Variants in LMCD1 observed in about 807,000 individuals in gnomAD.
LMCD1 encodes LIM and cysteine rich domains 1.
Under a neutral mutation model 42.7 loss-of-function variants are expected in LMCD1, and 32 were observed. The ratio of observed to expected loss-of-function variants is 0.75; its 90% CI spans 0.57 to 1.01. The LOEUF (loss-of-function observed/expected upper bound fraction) is 1.01, where lower values mean the gene tolerates loss of function less well. Ranked by LOEUF, LMCD1 falls within the 50% of genes least tolerant of loss-of-function variation. The pLI, the probability that LMCD1 is intolerant of heterozygous loss-of-function variation, is 0.00. For missense variants in LMCD1, 458 were observed against 483.1 expected, an observed-to-expected ratio of 0.95 and a Z score of 0.49; for synonymous variants, 178 against 184.9, an observed-to-expected ratio of 0.96 and a Z score of 0.30.
intron 4 of LMCD1, among the ~76,000 whole-genome samples, chr3:8,558,779 C>G (rs1694973503): frequency 6.6e-6 from 1 of 152,142 alleles, no homozygotes; most frequent in Non-Finnish European, 1.5e-5. Context: ...TGTAACTGAA[C>G]TGAATTGGTG....
intron 3 of LMCD1, among the ~76,000 whole-genome samples, chr3:8,544,692 A>G (rs1016993556): frequency 1.2e-4 from 19 of 152,294 alleles, no homozygotes; most frequent in African/African-American, 3.1e-4. Flanking sequence ...TCTGTACAAT[A>G]TGCATTTCAG....
At chr3:8,525,205 C>T (rs1302587559) in intron 1 of LMCD1, among the ~76,000 whole-genome samples, 1 of 152,150 alleles carries the variant, frequency 6.6e-6, no homozygotes, top group East Asian at 1.9e-4. Context: ...TTCTCTTAAT[C>T]CTCAGCCTCT....
rs182907113 is a variant in LMCD1 at position 8,530,555 on chromosome 3, G to A, written c.43-2182G>A. ...TCATTAGAAGAACAATAAAGCTGAA[G>A]TGTGCAGGGTGCTTTGCCACTTGGA... On this transcript the variant is annotated intron_variant, in intron 1 of 5. Coordinates refer to ENST00000157600, the MANE Select transcript of LMCD1 (RefSeq NM_014583.4). 7.9e-5 allele frequency among the ~76,000 whole-genome samples: 12 copies of A among 152,338 alleles called. No homozygotes were observed. In the East Asian group the frequency reaches 1.9e-3, roughly 24 times the overall value.
At chr3:8,545,737 G>T (rs767716961) in intron 3 of LMCD1, among the ~76,000 whole-genome samples, 1 of 152,152 alleles carries the variant, frequency 6.6e-6, no homozygotes, top group Non-Finnish European at 1.5e-5. Flanking sequence ...GTAATTTTTC[G>T]CAGGGTTATT....
At chr3:8,546,409 C>T (rs767549468) in intron 3 of LMCD1, among the ~76,000 whole-genome samples, 10 of 152,326 alleles carry the variant, frequency 6.6e-5, no homozygotes, top group Non-Finnish European at 1.0e-4. Context: ...GCTTGGTAGG[C>T]GCTGTGGTTC....
At chr3:8,519,204 GATACTACAAAA>G (rs746470143) in intron 1 of LMCD1, among the ~76,000 whole-genome samples, 2 of 152,200 alleles carry the variant, frequency 1.3e-5, no homozygotes, top group African/African-American at 4.8e-5. Context: ...CATCATGGTA[GATACTACAAAA>G]TACAAGGTAC....
rs1376655125 is a variant in LMCD1, at chr3:8,501,959, C to T, written c.21C>T (p.Asp7=). 3 of 1,594,016 alleles carry T rather than the reference C, an allele frequency of 1.9e-6. No homozygotes were observed. Among genetic ancestry groups the T allele is most frequent in the African/African-American group, 1.4e-5 (1 of 72,948 alleles). The change falls in exon 1 of 6, where the codon GAC becomes GAT. Residue 7 remains aspartate (D), a synonymous_variant. Coordinates refer to ENST00000157600, the MANE Select transcript of LMCD1 (RefSeq NM_014583.4). The stretch of plus-strand genomic sequence containing the variant: ...AGAGGATGGCAAAGGTGGCTAAGGA[C>T]CTCAACCCAGGAGTTAAAAAGGTGA... MAKVAK[D]LNPGVKKMSL... is the part of the protein sequence containing the mutation.
chr3:8,537,558 G>C, intron 3 of LMCD1, 118 bp downstream of exon 3: 1 of 1,171,394 alleles, frequency 8.5e-7, no homozygotes, highest in South Asian at 1.6e-5. Context: ...AAAAATGACA[G>C]GAGTGGCTGT....
At chr3:8,551,157 A>G (rs939103107) in intron 4 of LMCD1, 2 of 985,312 alleles carry the variant, frequency 2.0e-6, no homozygotes, top group Non-Finnish European at 1.2e-6. Context: ...TTTTACTTTA[A>G]TTATTATGTA....
chr3:8,568,894 A>C lies in LMCD1; in HGVS notation c.*1296A>C, dbSNP rs1416072950. On this transcript the variant is annotated 3_prime_UTR_variant, in exon 6 of 6. Transcript: ENST00000157600. The stretch of plus-strand genomic sequence containing the variant: ...TCTGCTGCCAGTTTTCTTTAACCTC[A>C]CCATCCAAATTTCACTCTGACCATC... 2.0e-5 allele frequency: 3 copies of C among 152,026 alleles called. No homozygotes were observed. The highest frequency in any genetic ancestry group is 4.4e-5 in the Non-Finnish European group (3 of 68,014). The allele number at this position is 152,026 out of a possible 1,614,324, so 9.4% of individuals were successfully genotyped here. A position where few individuals can be genotyped will look rare whatever the true frequency, so the allele number is the denominator to read the frequency against.
Position 8,548,565 on chromosome 3 carries a change from T to C in LMCD1, c.388-3T>C. 6.2e-7 allele frequency: 1 copy of C among 1,600,720 alleles called. No homozygotes were observed. The highest frequency in any genetic ancestry group is 1.3e-5 in the African/African-American group (1 of 74,764). ...GTTGTCTCTTCCTCCTCCTCCTCCC[T>C]AGGGACTGCAGTACATGGAGCTCAT... On this transcript the variant is annotated splice_region_variant and splice_polypyrimidine_tract_variant and intron_variant, in intron 3 of 5. Coordinates refer to ENST00000157600, the MANE Select transcript of LMCD1 (RefSeq NM_014583.4).
At chr3:8,555,495 C>A (rs138792012) in intron 4 of LMCD1, among the ~76,000 whole-genome samples, 238 of 152,318 alleles carry the variant, frequency 1.6e-3, no homozygotes, top group Admixed American at 2.9e-3. Flanking sequence ...CACAGTCCCG[C>A]CACCCCTGGC....
intron 3 of LMCD1, among the ~76,000 whole-genome samples, chr3:8,544,352 C>T (rs1169590014): frequency 2.0e-5 from 3 of 152,170 alleles, no homozygotes; most frequent in African/African-American, 7.2e-5. Flanking sequence ...GTCTTCTCTT[C>T]TGTCTGAGAA....
rs1695138557 is a variant in LMCD1, at chr3:8,566,709, A to C, written c.940-731A>C. Reference sequence around the variant, plus strand: ...GATTTTTTCTCATTTCACGTTTAAGAAAAGTGCAGCTCTGAAAGGTCAATG... The same window carrying C: ...GATTTTTTCTCATTTCACGTTTAAGCAAAGTGCAGCTCTGAAAGGTCAATG... On this transcript the variant is annotated intron_variant, in intron 5 of 5. Coordinates refer to ENST00000157600, the MANE Select transcript of LMCD1 (RefSeq NM_014583.4). 3.3e-5 allele frequency among the ~76,000 whole-genome samples: 5 copies of C among 152,224 alleles called. No individual in the cohort carries two copies. In the South Asian group the frequency reaches 1.0e-3, roughly 32 times the overall value.
intron 1 of LMCD1, among the ~76,000 whole-genome samples, chr3:8,530,274 T>C (rs1185704858): frequency 6.6e-6 from 1 of 152,108 alleles, no homozygotes; most frequent in South Asian, 2.1e-4. Context: ...TGCAAGCCAG[T>C]TCCTTATTTT....
chr3:8,538,975 A>G (rs1372576339), intron 3 of LMCD1, among the ~76,000 whole-genome samples: 1 of 152,190 alleles, frequency 6.6e-6, no homozygotes, highest in Non-Finnish European at 1.5e-5. Flanking sequence ...AAAGTTGAGA[A>G]ATTGAGAATA....
Position 8,535,093 on chromosome 3 carries a change from G to A in LMCD1, c.132-2092G>A, listed in dbSNP as rs530693903. 5.3e-5 allele frequency among the ~76,000 whole-genome samples: 8 copies of A among 152,274 alleles called. 2 individuals are homozygous for A. The highest frequency in any genetic ancestry group is 1.4e-4 in the African/African-American group (6 of 41,554). On this transcript the variant is annotated intron_variant, in intron 2 of 5. Coordinates refer to ENST00000157600, the MANE Select transcript of LMCD1 (RefSeq NM_014583.4). Reference sequence around the variant, plus strand: ...AGAAGGTCAGATGGGACACTGAAGAGTCAGGTTCCTCCATGTCCCTCTATG... The same window carrying A: ...AGAAGGTCAGATGGGACACTGAAGAATCAGGTTCCTCCATGTCCCTCTATG...
At chr3:8,506,206 A>C (rs539181421) in intron 1 of LMCD1, among the ~76,000 whole-genome samples, 1 of 152,302 alleles carries the variant, frequency 6.6e-6, no homozygotes, top group East Asian at 1.9e-4. Flanking sequence ...GGCAGGAAAG[A>C]GCTTCATCAG....
chr3:8,538,158 C>T (rs1485921480), intron 3 of LMCD1, among the ~76,000 whole-genome samples: 3 of 152,170 alleles, frequency 2.0e-5, no homozygotes, highest in Non-Finnish European at 2.9e-5. Context: ...ATTTAAATGA[C>T]TCCCCGTGCA....
Sources: gnomAD v4.1 joint callset for allele counts (sites outside exome capture counted in the v4.1 genomes callset) on GRCh38, gnomAD v4.1.1 for gene constraint, MANE v1.5 for transcripts, NCBI Gene and HGNC (gene_info 2026-07-23, HGNC 2026-07-21) for gene names.